The following GNB4 variants were observed in gnomAD, a reference collection of about 807,000 sequenced individuals.
GNB4 encodes the protein G protein subunit beta 4, also known as guanine nucleotide-binding protein subunit beta-4.
A neutral mutation model predicts 45.2 loss-of-function variants in GNB4; 28 were observed. The ratio of observed to expected loss-of-function variants is 0.62; its 90% CI spans 0.46 to 0.85. GNB4 has a LOEUF of 0.85. Ranked by LOEUF, GNB4 falls within the 40% of genes least tolerant of loss-of-function variation. GNB4 has a pLI of 0.00. For synonymous variants in GNB4, 132 were observed against 143.7 expected (o/e 0.92, Z 0.58); for missense variants, 321 against 425.4 (o/e 0.75, Z 2.16).
chr3:179,423,758 G>A (rs1021155876), intron 2 of GNB4, among the ~76,000 whole-genome samples: 5 of 151,474 alleles, frequency 3.3e-5, no homozygotes, highest in Non-Finnish European at 7.4e-5. Flanking sequence ...TCCAGCCTGG[G>A]CGACTGAGAC....
the GNB4 span, among the ~76,000 whole-genome samples, chr3:179,522,504 G>C: frequency 6.9e-6 from 1 of 144,008 alleles, no homozygotes; most frequent in East Asian, 1.9e-4. Flanking sequence ...TTTACAGTCA[G>C]TATAAATATT....
intron 8 of GNB4, among the ~76,000 whole-genome samples, chr3:179,411,375 A>G (rs1714646086): frequency 6.6e-6 from 1 of 152,034 alleles, no homozygotes; most frequent in Non-Finnish European, 1.5e-5. Flanking sequence ...GAAAACTGTT[A>G]TATATACAGT....
At chr3:179,430,071 G>GAGAC (rs3086948) in intron 1 of GNB4, among the ~76,000 whole-genome samples, 6,728 of 142,270 alleles carry the variant, frequency 0.047, 300 homozygotes, top group East Asian at 0.26. Flanking sequence ...GACTGAGAGA[G>GAGAC]AGACAGACAG....
chr3:179,455,500 C>T (rs1002584586), upstream of GNB4, among the ~76,000 whole-genome samples: 11 of 152,190 alleles, frequency 7.2e-5, no homozygotes, highest in African/African-American at 2.7e-4. Context: ...AAATAGACAA[C>T]ACTGGTGCCA....
rs377746889 is a variant in GNB4 at position 179,416,560 on chromosome 3, G to C, written c.204-4C>G. The C allele has an allele frequency of 5.2e-5, 83 of 1,584,776 alleles. No individual in the cohort carries two copies. The highest frequency in any genetic ancestry group is 6.6e-5 in the Non-Finnish European group (77 of 1,164,010). On this transcript the variant is annotated splice_region_variant and splice_polypyrimidine_tract_variant and intron_variant, in intron 4 of 9. Transcript: ENST00000232564. ...TTGAGAAGCACTGACTAGCAGCCTAGAGGAACAAACACAAAAATAATTTGA... is the reference window on the plus strand; with the variant it reads ...TTGAGAAGCACTGACTAGCAGCCTACAGGAACAAACACAAAAATAATTTGA...
chr3:179,449,519 A>G (rs954470255), intron 1 of GNB4, among the ~76,000 whole-genome samples: 3 of 152,188 alleles, frequency 2.0e-5, no homozygotes, highest in Non-Finnish European at 2.9e-5. Context: ...GGGAAAGAAC[A>G]TGGACTTTGG....
the GNB4 span, among the ~76,000 whole-genome samples, chr3:179,505,472 T>G: frequency 6.6e-6 from 1 of 152,146 alleles, no homozygotes; most frequent in Admixed American, 6.5e-5. Flanking sequence ...TGAAAGACAG[T>G]GAGAAAAATA....
At chr3:179,494,783 C>T in the GNB4 span, among the ~76,000 whole-genome samples, 1 of 151,708 alleles carries the variant, frequency 6.6e-6, no homozygotes, top group Non-Finnish European at 1.5e-5. Flanking sequence ...TGGTGGGTGC[C>T]TGTAGTCCCA....
intron 2 of GNB4, among the ~76,000 whole-genome samples, chr3:179,421,833 C>G (rs1448800889): frequency 6.6e-6 from 1 of 152,146 alleles, no homozygotes; most frequent in Admixed American, 6.5e-5. Context: ...TCATTCTTAG[C>G]CAAATTGTGG....
the GNB4 span, among the ~76,000 whole-genome samples, chr3:179,513,374 A>T: frequency 1.3e-5 from 2 of 151,814 alleles, no homozygotes; most frequent in South Asian, 4.2e-4. Context: ...AGTAGAGGTG[A>T]GGTTTCTCCA....
At chr3:179,403,006 T>C (rs1185939727) in intron 9 of GNB4, among the ~76,000 whole-genome samples, 2 of 152,210 alleles carry the variant, frequency 1.3e-5, no homozygotes, top group Admixed American at 6.5e-5. Flanking sequence ...TAAAGTTTAC[T>C]AGCTAAATGT....
At chr3:179,524,017 T>C in the GNB4 span, among the ~76,000 whole-genome samples, 2 of 152,192 alleles carry the variant, frequency 1.3e-5, no homozygotes, top group Non-Finnish European at 2.9e-5. Context: ...TGGCCATCAA[T>C]ACCCACAACA....
chr3:179,469,779 C>A, the GNB4 span, among the ~76,000 whole-genome samples: 1 of 152,076 alleles, frequency 6.6e-6, no homozygotes, highest in Non-Finnish European at 1.5e-5. Flanking sequence ...TCTCTAGCAC[C>A]TAGTAATACA....
the GNB4 span, among the ~76,000 whole-genome samples, chr3:179,524,669 T>C: frequency 6.6e-6 from 1 of 152,158 alleles, no homozygotes; most frequent in African/African-American, 2.4e-5. Flanking sequence ...CTTCTGACCT[T>C]TCAGGGCCTA....
At chr3:179,461,607 C>T in the GNB4 span, among the ~76,000 whole-genome samples, 1 of 152,080 alleles carries the variant, frequency 6.6e-6, no homozygotes, top group Non-Finnish European at 1.5e-5. Flanking sequence ...ATATAAATTT[C>T]AAGGAAGTTT....
chr3:179,489,791 T>C, the GNB4 span, among the ~76,000 whole-genome samples: 4 of 152,246 alleles, frequency 2.6e-5, no homozygotes, highest in Non-Finnish European at 5.9e-5. Flanking sequence ...TATGATTTAA[T>C]TCTCTCAGAG....
chr3:179,433,737 A>G (rs895545482), intron 1 of GNB4, among the ~76,000 whole-genome samples: 7 of 152,238 alleles, frequency 4.6e-5, no homozygotes, highest in Non-Finnish European at 7.4e-5. Flanking sequence ...CTGAGAAAAG[A>G]TAGTTGTAAG....
the GNB4 span, among the ~76,000 whole-genome samples, chr3:179,493,164 C>A: frequency 0.013 from 2,034 of 152,096 alleles, 41 homozygotes; most frequent in African/African-American, 0.047. Flanking sequence ...TCAAGAAACT[C>A]AAAAAGACAA....
At chr3:179,516,029 A>G in the GNB4 span, among the ~76,000 whole-genome samples, 1 of 152,238 alleles carries the variant, frequency 6.6e-6, no homozygotes, top group Non-Finnish European at 1.5e-5. Context: ...TTAAAGGACT[A>G]AAAATTGGGA....
Sources: allele counts gnomAD v4.1 joint callset (sites outside exome capture counted in the v4.1 genomes callset), GRCh38; gene constraint gnomAD v4.1.1; transcripts MANE v1.5; gene names NCBI Gene and HGNC (gene_info 2026-07-23, HGNC 2026-07-21).